PCNX3: variants seen among roughly 807,000 people sequenced by gnomAD.
PCNX3 encodes the protein pecanex-like protein 3.
A neutral mutation model predicts 207.2 loss-of-function variants in PCNX3; 58 were observed. The observed-to-expected ratio is 0.28, with a 90% CI of 0.23 to 0.35. PCNX3 has a LOEUF of 0.35. PCNX3 is among the 10% of genes least tolerant of loss of function. PCNX3 has a pLI of 1.00. For synonymous variants in PCNX3, 1,337 were observed against 1,183.5 expected (o/e 1.13, Z -2.66); for missense variants, 2,410 against 2,774.4 (o/e 0.87, Z 2.95).
In PCNX3 at chr11:65,616,282, A is replaced by AG. The variant is rs766164452; in HGVS notation, c.-23dup. On this transcript the variant is annotated 5_prime_UTR_variant, in exon 1 of 35. Coordinates refer to ENST00000355703, the MANE Select transcript of PCNX3 (RefSeq NM_032223.4). ...GGGCCGCCCCCATGAGGGTCCCGGG[A>AG]GGGGGGGCGCGGGCAGCAGCGGCGG... The AG allele has an allele frequency of 5.9e-6, 9 of 1,527,356 alleles. No individual in the cohort carries two copies. The highest frequency in any genetic ancestry group is 5.9e-5 in the Admixed American group (3 of 51,146). The allele number at this position is 1,527,356 out of a possible 1,614,324, so 94.6% of individuals were successfully genotyped here. A position where few individuals can be genotyped will look rare whatever the true frequency, so the allele number is the denominator to read the frequency against.
chr11:65,634,839 G>A, intron 29 of PCNX3, 134 bp from the exon 30 acceptor site: 1 of 1,319,926 alleles, frequency 7.6e-7, no homozygotes, highest in African/African-American at 1.5e-5. Context: ...GACATGGGCA[G>A]AGATTGGCCT....
intron 11 of PCNX3, among the ~76,000 whole-genome samples, chr11:65,622,840 G>A (rs1195349397): frequency 6.6e-6 from 1 of 152,030 alleles, no homozygotes; most frequent in Non-Finnish European, 1.5e-5. Context: ...CTGACCTTGT[G>A]ATCTGCCCGC....
chr11:65,621,285 A>C (rs1459110352), intron 10 of PCNX3, among the ~76,000 whole-genome samples: 1 of 152,170 alleles, frequency 6.6e-6, no homozygotes, highest in Non-Finnish European at 1.5e-5. Flanking sequence ...TTCTGTTAGC[A>C]AGCAGGGACC....
Position 65,635,603 on chromosome 11 carries a change from C to T in PCNX3, c.5259C>T (p.Pro1753=), listed in dbSNP as rs370097673. The T allele has an allele frequency of 1.7e-5, 28 of 1,612,780 alleles. No homozygotes were observed. The highest frequency in any genetic ancestry group is 3.3e-5 in the Admixed American group (2 of 59,964). ...TGGTGTTCCTGCGCAACCGCAACCC[C>T]GAGCGTGGCAGCATCCAGAACGCCA... ...QELVFLRNRN[P]ERGSIQNAKQ... is the part of the protein sequence containing the mutation. Residue 1753 remains proline (P), a synonymous_variant, in exon 32 of 35, where the codon CCC becomes CCT. Coordinates refer to ENST00000355703, the MANE Select transcript of PCNX3 (RefSeq NM_032223.4). The surrounding 1 kb of genome is among the most constrained non-coding windows in gnomAD (Gnocchi z 9.9).
intron 26 of PCNX3, 130 bp from the exon 27 acceptor site, chr11:65,630,221 A>G (rs1207360915): frequency 3.8e-6 from 5 of 1,326,068 alleles, no homozygotes; most frequent in Admixed American, 2.6e-5. Context: ...GGCATCCAAT[A>G]AGGTTGACTC....
Position 65,617,214 on chromosome 11 carries a change from G to A in PCNX3, c.342-36G>A, listed in dbSNP as rs775269306. 1.4e-5 allele frequency: 22 copies of A among 1,553,200 alleles called. 1 individual carries two copies. The highest frequency in any genetic ancestry group is 1.9e-5 in the Non-Finnish European group (22 of 1,142,998). On this transcript the variant is annotated intron_variant, in intron 2 of 34. Transcript: ENST00000355703. The stretch of plus-strand genomic sequence containing the variant: ...GAGGAAGTAGCATACACAGAGGAGA[G>A]GTTAGCTCAAAGCTGCTGCTCTTTT...
chr11:65,617,255 C>T lies in PCNX3; in HGVS notation c.347C>T (p.Pro116Leu), dbSNP rs1328694379. Reference protein sequence around the residue: ...AQGDSNPPRDPGVEMTVFRKV... With the variant: ...AQGDSNPPRDLGVEMTVFRKV... ...CTGCTCTTTTTCACCGCCAGGGACC[C>T]CGGAGTGGAGATGACAGTGTTCCGG... Residue 116 changes from proline to leucine, a missense_variant, in exon 3 of 35, where the codon CCC becomes CTC. Coordinates refer to ENST00000355703, the MANE Select transcript of PCNX3 (RefSeq NM_032223.4). The T allele has an allele frequency of 1.2e-6, 2 of 1,603,220 alleles. No individual in the cohort carries two copies. Among genetic ancestry groups the T allele is most frequent in the Non-Finnish European group, 1.7e-6 (2 of 1,174,976 alleles).
chr11:65,618,149 C>G lies in PCNX3; in HGVS notation c.787C>G (p.Leu263Val), dbSNP rs1206360187. 1 of 1,609,610 alleles carries G rather than the reference C, an allele frequency of 6.2e-7. No homozygotes were observed. The highest frequency in any genetic ancestry group is 8.5e-7 in the Non-Finnish European group (1 of 1,177,672). Residue 263 changes from leucine to valine, a missense_variant, in exon 6 of 35, where the codon CTG becomes GTG. Leu to Val is a conservative substitution (Grantham distance 32). Transcript: ENST00000355703. ...GACCCTGACCCAGCCTGACCGGGCC[C>G]TGGTGAGGACCAGCAGTCGACGGGA... The part of the protein sequence containing the change: ...FLTLTQPDRA[L>V]VRTSSRREQR...
In PCNX3 at chr11:65,617,254, C is replaced by A. The variant is rs1018451718; in HGVS notation, c.346C>A (p.Pro116Thr). Residue 116 changes from proline to threonine, a missense_variant, in exon 3 of 35, where the codon CCC (proline) becomes ACC (threonine). Transcript: ENST00000355703. ...AQGDSNPPRD[P>T]GVEMTVFRKV... Reference sequence around the variant, plus strand: ...GCTGCTCTTTTTCACCGCCAGGGACCCCGGAGTGGAGATGACAGTGTTCCG... The same window carrying A: ...GCTGCTCTTTTTCACCGCCAGGGACACCGGAGTGGAGATGACAGTGTTCCG... 13 of 1,602,588 alleles carry A rather than the reference C, an allele frequency of 8.1e-6. No homozygotes were observed. In the Admixed American group the frequency reaches 1.9e-4, roughly 23 times the overall value.
chr11:65,624,605 G>A (rs560771395), intron 15 of PCNX3, 24 bp downstream of exon 15: 4 of 1,558,096 alleles, frequency 2.6e-6, no homozygotes, highest in Non-Finnish European at 3.5e-6. Flanking sequence ...AGGTGGCTCA[G>A]GGATGGGGCC....
rs201318759 is a variant in PCNX3 at position 65,618,102 on chromosome 11, A to G, written c.740A>G (p.Gln247Arg). 7,584 of 1,610,606 alleles carry G rather than the reference A, an allele frequency of 4.7e-3. 25 individuals carry two copies. Among genetic ancestry groups the G allele is most frequent in the Non-Finnish European group, 5.9e-3 (7,008 of 1,178,868 alleles). Reference protein sequence around the residue: ...MSPLLKGSLSQELSKSFLTLT... With the variant: ...MSPLLKGSLSRELSKSFLTLT... ...CCCCTGCTGAAGGGGAGCCTCAGCC[A>G]GGAGCTGAGCAAGAGCTTCCTGACC... The change falls in exon 6 of 35, where the codon CAG becomes CGG. Residue 247 changes from glutamine (Q) to arginine (R), a missense_variant. By Grantham distance (43) the Gln-to-Arg change is conservative. Coordinates refer to ENST00000355703, the MANE Select transcript of PCNX3 (RefSeq NM_032223.4).
intron 20 of PCNX3, chr11:65,626,400 A>G (rs895647085): frequency 2.1e-6 from 1 of 485,450 alleles, no homozygotes; most frequent in Non-Finnish European, 3.9e-6. Context: ...CCTGGAGCAC[A>G]TCTTCACTGG....
In PCNX3 at chr11:65,637,022, G is replaced by C; in HGVS notation, c.*44G>C. 6.6e-7 allele frequency: 1 copy of C among 1,526,288 alleles called. No individual in the cohort carries two copies. The highest frequency in any genetic ancestry group is 8.8e-7 in the Non-Finnish European group (1 of 1,135,806). The allele number at this position is 1,526,288 out of a possible 1,614,324, so 94.5% of individuals were successfully genotyped here. A position where few individuals can be genotyped will look rare whatever the true frequency, so the allele number is the denominator to read the frequency against. On this transcript the variant is annotated 3_prime_UTR_variant, in exon 35 of 35. Coordinates refer to ENST00000355703, the MANE Select transcript of PCNX3 (RefSeq NM_032223.4). ...GACCACCTCCTAGGATTCAGTAACGGACCTGCTCTGCTGCCTCTCTGCTGG... is the reference window on the plus strand; with the variant it reads ...GACCACCTCCTAGGATTCAGTAACGCACCTGCTCTGCTGCCTCTCTGCTGG...
Position 65,630,574 on chromosome 11 carries a change from C to T in PCNX3, c.4440C>T (p.Leu1480=), listed in dbSNP as rs1355202535. Residue 1480 remains leucine (L), a synonymous_variant, in exon 27 of 35, where the codon CTC becomes CTT. Coordinates refer to ENST00000355703, the MANE Select transcript of PCNX3 (RefSeq NM_032223.4). ...CCTCCATGCTGCAGGTTTTCGACCT[C>T]CGCAAGATCCTCATCACCTACTATG... ...NAASMLQVFD[L]RKILITYYVK... The T allele has an allele frequency of 6.2e-7, 1 of 1,612,370 alleles. No individual in the cohort carries two copies. The highest frequency in any genetic ancestry group is 1.3e-5 in the African/African-American group (1 of 74,918).
chr11:65,625,265 A>ACCCC lies in PCNX3; in HGVS notation c.3015_3018dup (p.Thr1007ProfsTer15). The stretch of plus-strand genomic sequence containing the variant: ...TACCACCTGAGCCGGCAGAGCAGCG[A>ACCCC]CCCCACCGTGCTCTGGTGGGTGTGC... On this transcript the variant is annotated frameshift_variant, in exon 17 of 35. Transcript: ENST00000355703. LOFTEE classifies it high-confidence loss of function. The surrounding 1 kb of genome is among the most constrained non-coding windows in gnomAD (Gnocchi z 5.6). 1 of 1,608,568 alleles carries ACCCC rather than the reference A, an allele frequency of 6.2e-7. No homozygotes were observed. The highest frequency in any genetic ancestry group is 8.5e-7 in the Non-Finnish European group (1 of 1,178,338).
intron 8 of PCNX3, 146 bp from the exon 9 acceptor site, chr11:65,620,193 G>T: frequency 1.1e-6 from 1 of 901,046 alleles, no homozygotes. Context: ...TGACCTGTAG[G>T]CCCTTTCCTC....
chr11:65,623,602 G>A lies in PCNX3; in HGVS notation c.2469G>A (p.Gln823=), dbSNP rs201051287. 2.7e-5 allele frequency: 44 copies of A among 1,613,996 alleles called. No individual in the cohort carries two copies. Among genetic ancestry groups the A allele is most frequent in the Non-Finnish European group, 3.6e-5 (43 of 1,179,870 alleles). The part of the protein sequence containing the change: ...KGFFTDIWVF[Q]FCLVIASCQY... ...TCTTCACTGACATCTGGGTCTTCCA[G>A]TTCTGCCTGGTCATCGCCTCCTGCC... Residue 823 remains glutamine (Q), a synonymous_variant, in exon 12 of 35, where the codon CAG becomes CAA. Coordinates refer to ENST00000355703, the MANE Select transcript of PCNX3 (RefSeq NM_032223.4).
intron 26 of PCNX3, 73 bp downstream of exon 26, chr11:65,629,808 G>C: frequency 6.8e-7 from 1 of 1,473,134 alleles, no homozygotes; most frequent in Non-Finnish European, 9.2e-7. Flanking sequence ...TCAATAGCAC[G>C]TGCGAAGGAG....
intron 20 of PCNX3, 101 bp downstream of exon 20, chr11:65,626,155 G>C (rs1379182346): frequency 6.8e-7 from 1 of 1,466,394 alleles, no homozygotes; most frequent in East Asian, 2.5e-5. Flanking sequence ...CCAGCAGGGG[G>C]CACTCGCTGC....
Sources: allele counts gnomAD v4.1 joint callset (sites outside exome capture counted in the v4.1 genomes callset), GRCh38; gene constraint gnomAD v4.1.1; non-coding constraint Gnocchi (gnomAD v3.1); transcripts MANE v1.5; gene names NCBI Gene and HGNC (gene_info 2026-07-23, HGNC 2026-07-21).